Variants in GRIN2A observed in about 807,000 individuals in gnomAD.
GRIN2A encodes glutamate receptor ionotropic, NMDA 2A.
In GRIN2A, 22 loss-of-function variants were observed where a neutral mutation model predicts 113.4. The ratio of observed to expected loss-of-function variants is 0.19; its 90% CI spans 0.14 to 0.28. GRIN2A has a LOEUF of 0.28. GRIN2A is among the 10% of genes least tolerant of loss of function. The pLI, the probability that GRIN2A is intolerant of heterozygous loss-of-function variation, is 1.00. For missense variants in GRIN2A, 1,502 were observed against 1,887.0 expected (o/e 0.80, Z 3.78); for synonymous variants, 827 against 738.4 (o/e 1.12, Z -1.94).
intron 2 of GRIN2A, among the ~76,000 whole-genome samples, chr16:9,957,782 G>A (rs187955201): frequency 5.9e-5 from 9 of 152,224 alleles, no homozygotes; most frequent in Non-Finnish European, 8.8e-5. Context: ...TTGGTTTCTC[G>A]CATTTCCTGG....
intron 4 of GRIN2A, among the ~76,000 whole-genome samples, chr16:9,857,404 C>T (rs1330310584): frequency 6.6e-6 from 1 of 152,184 alleles, no homozygotes; most frequent in Non-Finnish European, 1.5e-5. Context: ...AGTCACTGGA[C>T]TATCTTTGCA....
intron 10 of GRIN2A, among the ~76,000 whole-genome samples, chr16:9,809,324 G>T: frequency 6.6e-6 from 1 of 152,260 alleles, no homozygotes; most frequent in East Asian, 1.9e-4. Flanking sequence ...CAGCTACTCT[G>T]GTGGCTGAGG....
At chr16:9,798,166 T>G (rs1903115639) in intron 11 of GRIN2A, 111 bp downstream of exon 11, 1 of 869,740 alleles carries the variant, frequency 1.1e-6, no homozygotes. Context: ...CAGTAAATAT[T>G]TTTAGGGAGC....
intron 3 of GRIN2A, among the ~76,000 whole-genome samples, chr16:9,904,993 A>G (rs1300737505): frequency 6.6e-6 from 1 of 152,248 alleles, no homozygotes; most frequent in Non-Finnish European, 1.5e-5. Flanking sequence ...AACCAAAACC[A>G]TAAATTATGG....
intron 4 of GRIN2A, among the ~76,000 whole-genome samples, chr16:9,880,017 T>C (rs115117383): frequency 3.1e-4 from 47 of 152,270 alleles, no homozygotes; most frequent in African/African-American, 1.1e-3. Flanking sequence ...ACCTCAAACT[T>C]ACCCATTTGA....
intron 4 of GRIN2A, among the ~76,000 whole-genome samples, chr16:9,874,534 C>T (rs1596526469): frequency 6.6e-6 from 1 of 152,128 alleles, no homozygotes; most frequent in Admixed American, 6.5e-5. Flanking sequence ...GATGGGGGGA[C>T]CCCCAACATG....
intron 11 of GRIN2A, among the ~76,000 whole-genome samples, chr16:9,775,810 G>A (rs1009646719): frequency 6.6e-6 from 1 of 152,174 alleles, no homozygotes; most frequent in Admixed American, 6.5e-5. Flanking sequence ...TCCAGTCATG[G>A]CCCCCTGATT....
intron 2 of GRIN2A, among the ~76,000 whole-genome samples, chr16:10,129,363 G>A (rs929952529): frequency 1.8e-4 from 10 of 54,534 alleles, no homozygotes; most frequent in Admixed American, 8.4e-4. Context: ...TTAATGGGAG[G>A]AGTTTGATTA....
intron 3 of GRIN2A, among the ~76,000 whole-genome samples, chr16:9,936,081 G>A (rs530305231): frequency 4.6e-5 from 7 of 152,256 alleles, no homozygotes; most frequent in South Asian, 2.1e-4. Context: ...GGTAAATACC[G>A]TGCTAAACAG....
chr16:9,868,159 C>A (rs967432687), intron 4 of GRIN2A, among the ~76,000 whole-genome samples: 1 of 152,198 alleles, frequency 6.6e-6, no homozygotes, highest in African/African-American at 2.4e-5. Context: ...CCACCCTCAT[C>A]CAGGCCTTCA....
chr16:9,955,368 C>G (rs2045280571), intron 2 of GRIN2A, among the ~76,000 whole-genome samples: 1 of 152,148 alleles, frequency 6.6e-6, no homozygotes. Flanking sequence ...TGTCCAACTC[C>G]TATTCTTCCT....
chr16:9,947,038 A>C (rs1489436495), intron 2 of GRIN2A, among the ~76,000 whole-genome samples: 1 of 152,200 alleles, frequency 6.6e-6, no homozygotes, highest in Non-Finnish European at 1.5e-5. Context: ...TTGGCTAGGA[A>C]AAAAATAATG....
intron 2 of GRIN2A, among the ~76,000 whole-genome samples, chr16:9,969,325 T>A (rs2045624492): frequency 6.6e-6 from 1 of 152,216 alleles, no homozygotes; most frequent in African/African-American, 2.4e-5. Context: ...CCTTCTCTTA[T>A]ATCCCCCTAT....
intron 2 of GRIN2A, among the ~76,000 whole-genome samples, chr16:10,004,928 G>C (rs1346665184): frequency 6.6e-6 from 1 of 152,208 alleles, no homozygotes; most frequent in Non-Finnish European, 1.5e-5. Context: ...GGGCAAGAGA[G>C]AGTAGAAGTG....
chr16:10,081,903 G>T (rs1567285177), intron 2 of GRIN2A, among the ~76,000 whole-genome samples: 1 of 152,184 alleles, frequency 6.6e-6, no homozygotes, highest in African/African-American at 2.4e-5. Context: ...GGAAAAATAA[G>T]CTCAAGGGCT....
At chr16:9,993,099 G>T (rs1048355774) in intron 2 of GRIN2A, among the ~76,000 whole-genome samples, 1 of 151,762 alleles carries the variant, frequency 6.6e-6, no homozygotes, top group Non-Finnish European at 1.5e-5. Flanking sequence ...GTATGGTGGT[G>T]CACGTCTGTA....
At chr16:10,041,598 C>T (rs1397830492) in intron 2 of GRIN2A, among the ~76,000 whole-genome samples, 2 of 152,084 alleles carry the variant, frequency 1.3e-5, no homozygotes, top group African/African-American at 2.4e-5. Flanking sequence ...TTAATGTCTC[C>T]GGGCTTGTTT....
intron 10 of GRIN2A, among the ~76,000 whole-genome samples, chr16:9,806,627 T>C (rs7191999): frequency 0.32 from 48,997 of 150,784 alleles, 8,127 homozygotes; most frequent in African/African-American, 0.41. Context: ...AAGCAAAACA[T>C]GAAGACGGAG....
At chr16:9,810,299 G>T (rs993129657) in intron 10 of GRIN2A, among the ~76,000 whole-genome samples, 8 of 152,122 alleles carry the variant, frequency 5.3e-5, no homozygotes, top group African/African-American at 1.7e-4. Context: ...TCTTCCCCTG[G>T]TCCCCAAGAC....
Sources: gnomAD v4.1 joint callset for allele counts (sites outside exome capture counted in the v4.1 genomes callset) on GRCh38, gnomAD v4.1.1 for gene constraint, MANE v1.5 for transcripts, NCBI Gene and HGNC (gene_info 2026-07-23, HGNC 2026-07-21) for gene names.